Variants in AGTPBP1 observed in about 807,000 individuals in gnomAD.
The protein encoded by AGTPBP1 is ATP/GTP binding carboxypeptidase 1.
AGTPBP1 carries 70 observed loss-of-function variants against 143.9 expected under a neutral mutation model. That is an observed-to-expected ratio of 0.49 (90% confidence interval 0.40 to 0.59). The LOEUF is 0.59. AGTPBP1 is among the 20% of genes least tolerant of loss of function. The pLI is 0.00. For synonymous variants in AGTPBP1, 463 were observed against 500.2 expected, an observed-to-expected ratio of 0.93 and a Z score of 0.99; for missense variants, 1,229 against 1,464.5, an observed-to-expected ratio of 0.84 and a Z score of 2.62.
At chr9:85,753,022 T>A in the AGTPBP1 span, among the ~76,000 whole-genome samples, 6 of 152,120 alleles carry the variant, frequency 3.9e-5, no homozygotes, top group Admixed American at 1.3e-4. Flanking sequence ...CTCTAAAAAA[T>A]TTTTTTAAAC....
chr9:85,699,961 A>T (rs1445550210), intron 2 of AGTPBP1, among the ~76,000 whole-genome samples: 2 of 152,238 alleles, frequency 1.3e-5, no homozygotes, highest in Non-Finnish European at 2.9e-5. Flanking sequence ...AGATTTAGAG[A>T]GAAGAGCGGC....
chr9:85,753,478 A>G, the AGTPBP1 span: 1 of 1,600,418 alleles, frequency 6.2e-7, no homozygotes, highest in Non-Finnish European at 8.5e-7. Flanking sequence ...TTGTCTAAAT[A>G]GAGGTAAACT....
At chr9:85,780,578 T>C in the AGTPBP1 span, among the ~76,000 whole-genome samples, 1 of 152,060 alleles carries the variant, frequency 6.6e-6, no homozygotes, top group Non-Finnish European at 1.5e-5. Flanking sequence ...GAACTTTTTA[T>C]AGAAAACACC....
chr9:85,693,082 C>T (rs1347695823), intron 2 of AGTPBP1, among the ~76,000 whole-genome samples: 1 of 152,156 alleles, frequency 6.6e-6, no homozygotes, highest in Non-Finnish European at 1.5e-5. Context: ...TTACATCACA[C>T]CTGGAAAGTT....
At chr9:85,551,018 T>C (rs1328978280) in intron 25 of AGTPBP1, among the ~76,000 whole-genome samples, 3 of 152,080 alleles carry the variant, frequency 2.0e-5, no homozygotes, top group Admixed American at 1.3e-4. Flanking sequence ...TTTCACTCTG[T>C]GTTCATGCGA....
intron 1 of AGTPBP1, among the ~76,000 whole-genome samples, chr9:85,739,708 CAA>C (rs547952850): frequency 2.2e-4 from 18 of 82,014 alleles, no homozygotes; most frequent in Non-Finnish European, 2.3e-4. Context: ...AACTCCGTCT[CAA>C]AAAAAAAAAA....
intron 13 of AGTPBP1, 53 bp downstream of exon 13, chr9:85,642,774 A>T: frequency 1.4e-6 from 2 of 1,416,170 alleles, no homozygotes; most frequent in African/African-American, 1.4e-5. Context: ...TAAGGGAAAA[A>T]AAATAACTTT....
chr9:85,617,747 T>C (rs1830675967), intron 17 of AGTPBP1, among the ~76,000 whole-genome samples: 3 of 151,776 alleles, frequency 2.0e-5, no homozygotes, highest in Non-Finnish European at 4.4e-5. Flanking sequence ...AGAGAAGAAA[T>C]TATCATTAGC....
At position 85,547,098 on chromosome 9, in the gene AGTPBP1, T is replaced by C. The variant is rs746537872; in HGVS notation, c.*11A>G. 2 of 1,589,822 alleles carry C rather than the reference T, an allele frequency of 1.3e-6. No homozygotes were observed. Among genetic ancestry groups the C allele is most frequent in the Non-Finnish European group, 1.7e-6 (2 of 1,171,076 alleles). ...TTTATTCTTTGCAGTTAACAAGAGA[T>C]GGCAGCGGGCTCAAGGTAGGTATGT... On this transcript the variant is annotated 3_prime_UTR_variant, in exon 26 of 26. Coordinates refer to ENST00000357081, the MANE Select transcript of AGTPBP1 (RefSeq NM_001330701.2).
chr9:85,785,175 A>C, the AGTPBP1 span, among the ~76,000 whole-genome samples: 1 of 152,134 alleles, frequency 6.6e-6, no homozygotes, highest in East Asian at 1.9e-4. Flanking sequence ...TCTACTAAAA[A>C]TACAAAAAAT....
chr9:85,548,138 A>G (rs1040556891), intron 25 of AGTPBP1, among the ~76,000 whole-genome samples: 16 of 152,238 alleles, frequency 1.1e-4, no homozygotes, highest in South Asian at 4.1e-4. Flanking sequence ...GCTACCAAAA[A>G]GGATTTCCTA....
chr9:85,730,700 A>G (rs1444003861), intron 1 of AGTPBP1, among the ~76,000 whole-genome samples: 5 of 152,150 alleles, frequency 3.3e-5, no homozygotes, highest in Non-Finnish European at 5.9e-5. Context: ...GCCCTTTCCA[A>G]TAAGATCTAA....
intron 25 of AGTPBP1, among the ~76,000 whole-genome samples, chr9:85,549,887 C>A (rs1186528506): frequency 6.6e-6 from 1 of 152,214 alleles, no homozygotes; most frequent in Non-Finnish European, 1.5e-5. Flanking sequence ...CCATTCATTT[C>A]TTGAAATCAC....
chr9:85,744,016 C>T (rs1229855777), upstream of AGTPBP1, among the ~76,000 whole-genome samples: 1 of 151,598 alleles, frequency 6.6e-6, no homozygotes, highest in Non-Finnish European at 1.5e-5. Flanking sequence ...GCCTTGACCT[C>T]CCAGGCTTAA....
At chr9:85,705,374 A>G (rs1433999386) in intron 2 of AGTPBP1, among the ~76,000 whole-genome samples, 3 of 152,098 alleles carry the variant, frequency 2.0e-5, no homozygotes, top group Non-Finnish European at 4.4e-5. Flanking sequence ...TTATCTTCAG[A>G]AAAAAAGCAG....
At chr9:85,655,891 T>G (rs554708686) in intron 10 of AGTPBP1, among the ~76,000 whole-genome samples, 1 of 152,098 alleles carries the variant, frequency 6.6e-6, no homozygotes. Flanking sequence ...GAAGTAGAGC[T>G]ATCTCGGCTC....
the AGTPBP1 span, among the ~76,000 whole-genome samples, chr9:85,796,994 C>T: frequency 6.6e-6 from 1 of 152,134 alleles, no homozygotes; most frequent in East Asian, 1.9e-4. Flanking sequence ...ACCGTGTTAG[C>T]CAGGATGGTC....
chr9:85,693,869 A>C (rs1178298345), intron 2 of AGTPBP1, among the ~76,000 whole-genome samples: 1 of 152,174 alleles, frequency 6.6e-6, no homozygotes, highest in Non-Finnish European at 1.5e-5. Context: ...ATTTAAGAAC[A>C]GGCCTGAAAG....
At chr9:85,760,097 T>A in the AGTPBP1 span, among the ~76,000 whole-genome samples, 2 of 152,118 alleles carry the variant, frequency 1.3e-5, no homozygotes, top group African/African-American at 2.4e-5. Flanking sequence ...AATAGACCAA[T>A]GACAGGCTCT....
Sources: allele counts gnomAD v4.1 joint callset (sites outside exome capture counted in the v4.1 genomes callset), GRCh38; gene constraint gnomAD v4.1.1; transcripts MANE v1.5; gene names NCBI Gene and HGNC (gene_info 2026-07-23, HGNC 2026-07-21).